PSTPIP2: variants seen among roughly 807,000 people sequenced by gnomAD.
PSTPIP2 encodes the protein proline-serine-threonine phosphatase-interacting protein 2.
PSTPIP2 carries 33 observed loss-of-function variants against 63.3 expected under a neutral mutation model. That is an observed-to-expected ratio of 0.52 (90% CI 0.40 to 0.70). PSTPIP2 has a LOEUF of 0.70. PSTPIP2 is among the 30% of genes least tolerant of loss of function. PSTPIP2 has a pLI of 0.00. For synonymous variants in PSTPIP2, 125 were observed against 132.7 expected, an observed-to-expected ratio of 0.94 and a Z score of 0.40; for missense variants, 312 against 400.7, an observed-to-expected ratio of 0.78 and a Z score of 1.89.
At chr18:46,045,116 C>A (rs949777004) in intron 1 of PSTPIP2, among the ~76,000 whole-genome samples, 2 of 152,292 alleles carry the variant, frequency 1.3e-5, no homozygotes, top group African/African-American at 4.8e-5. Context: ...CCTCAGGGAT[C>A]TAGAACTAGA....
rs147206519 is a variant in PSTPIP2, at chr18:46,040,523, C to G, written c.34-476G>C. On this transcript the variant is annotated intron_variant, in intron 1 of 14. Coordinates refer to ENST00000409746, the MANE Select transcript of PSTPIP2 (RefSeq NM_024430.4). Reference sequence around the variant, plus strand: ...CACAAATTCCTAAGCCCCTAACTCACTTTGGAAACCCCCTCATTCCTGCCT... The same window carrying G: ...CACAAATTCCTAAGCCCCTAACTCAGTTTGGAAACCCCCTCATTCCTGCCT... Among the ~76,000 whole-genome samples, 299 of 152,284 alleles carry G rather than the reference C, an allele frequency of 2.0e-3. 1 individual carries two copies. The highest frequency in any genetic ancestry group is 6.7e-3 in the African/African-American group (278 of 41,558).
intron 9 of PSTPIP2, 28 bp from the exon 10 acceptor site, chr18:45,993,731 G>A (rs1486809505): frequency 6.3e-7 from 1 of 1,580,152 alleles, no homozygotes. Context: ...CGTGTACATA[G>A]ATATGCAAGG....
intron 4 of PSTPIP2, among the ~76,000 whole-genome samples, chr18:46,014,553 G>C (rs1264177212): frequency 1.3e-5 from 2 of 151,924 alleles, no homozygotes; most frequent in Non-Finnish European, 2.9e-5. Context: ...ATCTCTATGA[G>C]AAGTAAAAAA....
At chr18:46,002,471 T>C (rs2051678021) in intron 6 of PSTPIP2, among the ~76,000 whole-genome samples, 1 of 152,214 alleles carries the variant, frequency 6.6e-6, no homozygotes, top group Admixed American at 6.5e-5. Flanking sequence ...TATATTATTC[T>C]GTCTTCCAGT....
intron 2 of PSTPIP2, chr18:46,029,504 T>C: frequency 1.2e-6 from 1 of 858,784 alleles, no homozygotes; most frequent in Non-Finnish European, 2.0e-6. Context: ...CATTGCCACA[T>C]CTAGGAATGG....
Position 46,072,220 on chromosome 18 carries a change from G to A in PSTPIP2, c.-32C>T, listed in dbSNP as rs2144144688. On this transcript the variant is annotated 5_prime_UTR_variant, in exon 1 of 15. Transcript: ENST00000409746. ...GCGAGTGGGGGCGCGGAGGAGAGCC[G>A]GGCCGCAGGTAGCACAGAGCGGGGA... 1.3e-6 allele frequency: 2 copies of A among 1,530,512 alleles called. No homozygotes were observed. The highest frequency in any genetic ancestry group is 1.2e-5 in the South Asian group (1 of 81,472). 94.8% of individuals were successfully genotyped at this position (1,530,512 alleles called of 1,614,324 possible).
chr18:46,060,004 C>A (rs1908932771), intron 1 of PSTPIP2, among the ~76,000 whole-genome samples: 1 of 152,200 alleles, frequency 6.6e-6, no homozygotes, highest in Admixed American at 6.5e-5. Flanking sequence ...GTACTCCAGA[C>A]TGGGCAACAA....
At chr18:45,990,937 G>A (rs945130470) in intron 12 of PSTPIP2, among the ~76,000 whole-genome samples, 181 bp from the exon 13 acceptor site, 2 of 152,104 alleles carry the variant, frequency 1.3e-5, no homozygotes, top group Non-Finnish European at 1.5e-5. Flanking sequence ...AGTTGCAGAC[G>A]TCGTACTATG....
intron 5 of PSTPIP2, among the ~76,000 whole-genome samples, chr18:46,009,828 G>T (rs957553871): frequency 2.6e-5 from 4 of 152,308 alleles, no homozygotes; most frequent in African/African-American, 9.6e-5. Flanking sequence ...CCCTAGAGGG[G>T]TGAGCAGTCC....
intron 2 of PSTPIP2, chr18:46,029,973 G>T: frequency 4.4e-6 from 1 of 228,558 alleles, no homozygotes; most frequent in Non-Finnish European, 8.7e-6. Flanking sequence ...AATTGGCCAG[G>T]TGTGGTGGCA....
At chr18:46,064,411 C>T (rs1430339128) in intron 1 of PSTPIP2, among the ~76,000 whole-genome samples, 1 of 149,150 alleles carries the variant, frequency 6.7e-6, no homozygotes, top group Admixed American at 6.7e-5. Flanking sequence ...CTGCCACAGC[C>T]TCCCGAGTAG....
intron 6 of PSTPIP2, 56 bp downstream of exon 6, chr18:46,005,413 C>T: frequency 7.2e-7 from 1 of 1,394,140 alleles, no homozygotes; most frequent in Non-Finnish European, 1.0e-6. Context: ...ATACACAGCA[C>T]AGGATTTCAG....
intron 1 of PSTPIP2, among the ~76,000 whole-genome samples, chr18:46,057,923 G>A (rs889758632): frequency 6.7e-6 from 1 of 150,090 alleles, no homozygotes; most frequent in Non-Finnish European, 1.5e-5. Context: ...GCGTGAACCC[G>A]GGAGGCGGAG....
At chr18:46,063,276 A>T (rs1234381673) in intron 1 of PSTPIP2, among the ~76,000 whole-genome samples, 1 of 152,168 alleles carries the variant, frequency 6.6e-6, no homozygotes, top group Non-Finnish European at 1.5e-5. Flanking sequence ...AAGTACTAGG[A>T]TTATAGGCAT....
intron 1 of PSTPIP2, chr18:46,040,897 G>T: frequency 2.4e-6 from 1 of 413,020 alleles, no homozygotes; most frequent in South Asian, 1.8e-5. Flanking sequence ...TTCAGGCCAG[G>T]AGAGGGAGAA....
chr18:46,038,951 A>G (rs1315946515), intron 2 of PSTPIP2, among the ~76,000 whole-genome samples: 1 of 152,226 alleles, frequency 6.6e-6, no homozygotes, highest in Non-Finnish European at 1.5e-5. Flanking sequence ...AGCCTGACCA[A>G]CATGGAGAAA....
At chr18:46,068,235 G>A (rs115482044) in intron 1 of PSTPIP2, among the ~76,000 whole-genome samples, 147 of 152,344 alleles carry the variant, frequency 9.6e-4, no homozygotes, top group African/African-American at 3.3e-3. Context: ...ACAGGAAGAT[G>A]TGTGTAGGTT....
At chr18:45,986,704 G>A (rs1273081520) in intron 14 of PSTPIP2, among the ~76,000 whole-genome samples, 1 of 152,194 alleles carries the variant, frequency 6.6e-6, no homozygotes, top group East Asian at 1.9e-4. Context: ...TAGGTCCTAA[G>A]TTATATATAG....
At chr18:46,037,597 C>A (rs1908027459) in intron 2 of PSTPIP2, among the ~76,000 whole-genome samples, 1 of 152,218 alleles carries the variant, frequency 6.6e-6, no homozygotes, top group Admixed American at 6.5e-5. Context: ...AAAGCTGGAT[C>A]CCCAAGCCTG....
Sources: allele counts gnomAD v4.1 joint callset (sites outside exome capture counted in the v4.1 genomes callset), GRCh38; gene constraint gnomAD v4.1.1; transcripts MANE v1.5; gene names NCBI Gene and HGNC (gene_info 2026-07-23, HGNC 2026-07-21).